Variants in GPR180 observed in about 807,000 individuals in gnomAD.
GPR180 encodes the protein integral membrane protein GPR180.
GPR180 carries 53 observed loss-of-function variants against 52.6 expected under a neutral mutation model. That is an observed-to-expected ratio of 1.01 (90% confidence interval 0.81 to 1.27). The LOEUF is 1.27. Ranked by LOEUF, GPR180 falls within the 50% of genes most tolerant of loss-of-function variation. The pLI, the probability that GPR180 is intolerant of heterozygous loss-of-function variation, is 0.00. For synonymous variants in GPR180, 200 were observed against 193.1 expected, an observed-to-expected ratio of 1.04 and a Z score of -0.30; for missense variants, 533 against 527.0, an observed-to-expected ratio of 1.01 and a Z score of -0.11.
intron 7 of GPR180, among the ~76,000 whole-genome samples, chr13:94,624,418 A>T (rs1889895027): frequency 6.6e-6 from 1 of 152,222 alleles, no homozygotes; most frequent in Non-Finnish European, 1.5e-5. Context: ...TGCAGCCCTA[A>T]GAACCAACTT....
chr13:94,616,019 G>C (rs1319964407), intron 3 of GPR180, among the ~76,000 whole-genome samples: 1 of 152,120 alleles, frequency 6.6e-6, no homozygotes, highest in Non-Finnish European at 1.5e-5. Flanking sequence ...GGTTTATTTA[G>C]CATCTCTCTA....
intron 3 of GPR180, among the ~76,000 whole-genome samples, chr13:94,612,648 C>T (rs893347872): frequency 2.0e-5 from 3 of 152,122 alleles, no homozygotes; most frequent in Non-Finnish European, 4.4e-5. Context: ...TTTTGATACT[C>T]TGGGTTGGTA....
At position 94,630,936 on chromosome 13, in the gene GPR180, G is replaced by A. The variant is rs1357759585; in HGVS notation, c.*3765G>A. 2 of 152,304 alleles carry A rather than the reference G, an allele frequency of 1.3e-5. No individual in the cohort carries two copies. The highest frequency in any genetic ancestry group is 4.8e-5 in the African/African-American group (2 of 41,472). The allele number at this position is 152,304 out of a possible 1,614,324, so 9.4% of individuals were successfully genotyped here. On this transcript the variant is annotated 3_prime_UTR_variant, in exon 9 of 9. Transcript: ENST00000376958. Reference sequence around the variant, plus strand: ...ACAAGATATAGAAGGCAGAAGTAAAGTAGCAGCCAGATCTGCATTCTTTTT... The same window carrying A: ...ACAAGATATAGAAGGCAGAAGTAAAATAGCAGCCAGATCTGCATTCTTTTT...
rs1267325979 is a variant in GPR180, at chr13:94,630,218, A to T, written c.*3047A>T. On this transcript the variant is annotated 3_prime_UTR_variant, in exon 9 of 9. Coordinates refer to ENST00000376958, the MANE Select transcript of GPR180 (RefSeq NM_180989.6). ...CTTGATTTCTTGCAATAGCTCTCTA[A>T]GTAATATTACCATGTCCACACTTGG... 1.3e-5 allele frequency: 2 copies of T among 152,186 alleles called. No individual in the cohort carries two copies. Among genetic ancestry groups the T allele is most frequent in the African/African-American group, 2.4e-5 (1 of 41,442 alleles). The allele number at this position is 152,186 out of a possible 1,614,324, so 9.4% of individuals were successfully genotyped here.
At chr13:94,617,589 A>C (rs1889794780) in intron 3 of GPR180, among the ~76,000 whole-genome samples, 1 of 152,204 alleles carries the variant, frequency 6.6e-6, no homozygotes, top group Admixed American at 6.5e-5. Flanking sequence ...ACCCAGTGGC[A>C]GAAATACTTT....
chr13:94,614,100 C>T (rs1946364462), intron 3 of GPR180, among the ~76,000 whole-genome samples: 1 of 151,822 alleles, frequency 6.6e-6, no homozygotes, highest in African/African-American at 2.4e-5. Flanking sequence ...AACTCCTGAC[C>T]TCAGGTGATC....
At chr13:94,626,887 C>A in intron 8 of GPR180, 126 bp from the exon 9 acceptor site, 1 of 714,684 alleles carries the variant, frequency 1.4e-6, no homozygotes, top group Non-Finnish European at 2.1e-6. Flanking sequence ...ATAAAATGTA[C>A]CTATGGTAAA....
At chr13:94,614,713 T>A (rs1005913357) in intron 3 of GPR180, among the ~76,000 whole-genome samples, 2 of 152,214 alleles carry the variant, frequency 1.3e-5, no homozygotes, top group Non-Finnish European at 1.5e-5. Flanking sequence ...TGATTTTGAT[T>A]TTATGCTTAC....
intron 2 of GPR180, among the ~76,000 whole-genome samples, chr13:94,608,588 A>G (rs1889663279): frequency 6.6e-6 from 1 of 152,140 alleles, no homozygotes. Context: ...TAAGTCTCTA[A>G]CTTTTATATA....
In GPR180 at chr13:94,612,566, A is replaced by G. The variant is rs146702897; in HGVS notation, c.505+176A>G. ...AGCCATCATATTAATTTTTAAAAGC[A>G]GAGTATTACTTGAGTGTATTAAAAC... On this transcript the variant is annotated intron_variant, in intron 3 of 8. Transcript: ENST00000376958. 2.3e-3 allele frequency among the ~76,000 whole-genome samples: 349 copies of G among 152,366 alleles called. 1 individual carries two copies. Among genetic ancestry groups the G allele is most frequent in the African/African-American group, 8.2e-3 (342 of 41,596 alleles).
At position 94,627,205 on chromosome 13, in the gene GPR180, G is replaced by A. The variant is rs1423168163; in HGVS notation, c.*34G>A. 6.3e-7 allele frequency: 1 copy of A among 1,587,188 alleles called. No individual in the cohort carries two copies. Among genetic ancestry groups the A allele is most frequent in the South Asian group, 1.1e-5 (1 of 89,130 alleles). ...TTTTGTTGAGAGGAAAAGTGAATTG[G>A]TTAAAAGAGTGCAATAAGGATCCAA... On this transcript the variant is annotated 3_prime_UTR_variant, in exon 9 of 9. Transcript: ENST00000376958.
intron 5 of GPR180, 145 bp downstream of exon 5, chr13:94,619,662 T>C: frequency 1.5e-6 from 1 of 683,178 alleles, no homozygotes; most frequent in South Asian, 1.9e-5. Context: ...TAAGTTCCCA[T>C]ATGTCTTACT....
intron 1 of GPR180, among the ~76,000 whole-genome samples, chr13:94,604,914 G>A (rs1889609927): frequency 1.3e-5 from 2 of 152,030 alleles, no homozygotes; most frequent in South Asian, 4.2e-4. Context: ...ACCAAATTTT[G>A]TTTTAGGTAT....
chr13:94,602,536 A>C (rs1410987276), intron 1 of GPR180, among the ~76,000 whole-genome samples: 6 of 143,180 alleles, frequency 4.2e-5, no homozygotes. Context: ...CTTGCAACAG[A>C]GTGGTTTTGG....
chr13:94,608,960 T>G (rs149787732), intron 2 of GPR180, among the ~76,000 whole-genome samples: 4 of 152,278 alleles, frequency 2.6e-5, no homozygotes, highest in African/African-American at 9.6e-5. Flanking sequence ...TACTAAAAAC[T>G]ATTTTGTAGA....
intron 1 of GPR180, among the ~76,000 whole-genome samples, chr13:94,603,365 C>T (rs948593849): frequency 3.9e-5 from 6 of 152,090 alleles, no homozygotes; most frequent in East Asian, 1.9e-4. Context: ...GAGACTTGGA[C>T]GACCTCATAG....
At chr13:94,604,449 C>T (rs1594470037) in intron 1 of GPR180, among the ~76,000 whole-genome samples, 1 of 152,104 alleles carries the variant, frequency 6.6e-6, no homozygotes, top group South Asian at 2.1e-4. Flanking sequence ...GAGGCGCATG[C>T]CTGTAATCCC....
intron 6 of GPR180, 97 bp from the exon 7 acceptor site, chr13:94,623,011 AT>A: frequency 1.2e-6 from 1 of 814,584 alleles, no homozygotes; most frequent in South Asian, 1.7e-5. Flanking sequence ...AGGAATGTTT[AT>A]ATAACATTTA....
Position 94,629,713 on chromosome 13 carries a change from A to G in GPR180, c.*2542A>G, listed in dbSNP as rs1446243494. 1.3e-5 allele frequency: 2 copies of G among 152,196 alleles called. No homozygotes were observed. The highest frequency in any genetic ancestry group is 2.9e-5 in the Non-Finnish European group (2 of 68,022). 9.4% of individuals were successfully genotyped at this position (152,196 alleles called of 1,614,324 possible). A position where few individuals can be genotyped will look rare whatever the true frequency, so the allele number is the denominator to read the frequency against. ...CAGAACATGCGCTTGAATATCTGTA[A>G]GACCTCAGCACACTTCAGTATTTGA... On this transcript the variant is annotated 3_prime_UTR_variant, in exon 9 of 9. Transcript: ENST00000376958.
Sources: allele counts gnomAD v4.1 joint callset (sites outside exome capture counted in the v4.1 genomes callset), GRCh38; gene constraint gnomAD v4.1.1; transcripts MANE v1.5; gene names NCBI Gene and HGNC (gene_info 2026-07-23, HGNC 2026-07-21).